COL21A1: variants seen among roughly 807,000 people sequenced by gnomAD.
The protein encoded by COL21A1 is collagen alpha-1(XXI) chain.
In COL21A1, 149 loss-of-function variants were observed where a neutral mutation model predicts 137.9. That is an observed-to-expected ratio of 1.08 (90% CI 0.95 to 1.24). The LOEUF is 1.24. COL21A1 is among the 50% of genes most tolerant of loss of function. The pLI is 0.00. For missense variants in COL21A1, 1,167 were observed against 1,158.4 expected, an observed-to-expected ratio of 1.01 and a Z score of -0.11; for synonymous variants, 456 against 391.5, an observed-to-expected ratio of 1.16 and a Z score of -1.95.
intron 1 of COL21A1, among the ~76,000 whole-genome samples, chr6:56,265,504 C>A (rs1763372535): frequency 6.6e-6 from 1 of 152,174 alleles, no homozygotes; most frequent in Non-Finnish European, 1.5e-5. Context: ...CAAGGGCAGA[C>A]AATGATACTC....
chr6:56,113,562 ATACC>A (rs1771636044), intron 16 of COL21A1, among the ~76,000 whole-genome samples: 1 of 152,168 alleles, frequency 6.6e-6, no homozygotes, highest in South Asian at 2.1e-4. Context: ...ACTAGCAGCG[ATACC>A]TACGTACTAC....
chr6:56,383,891 C>T (rs2094012948), intron 1 of COL21A1, among the ~76,000 whole-genome samples: 1 of 152,016 alleles, frequency 6.6e-6, no homozygotes, highest in African/African-American at 2.4e-5. Flanking sequence ...CGTTTTGATC[C>T]CCCTTTCCTC....
chr6:56,376,869 T>G (rs1458833171), intron 1 of COL21A1, among the ~76,000 whole-genome samples: 2 of 115,738 alleles, frequency 1.7e-5, no homozygotes, highest in Non-Finnish European at 3.3e-5. Context: ...ATTTAACAAC[T>G]GTCTATAGAA....
intron 1 of COL21A1, among the ~76,000 whole-genome samples, chr6:56,273,873 A>C (rs933771348): frequency 1.3e-5 from 2 of 152,196 alleles, no homozygotes; most frequent in Non-Finnish European, 2.9e-5. Context: ...TCCCTAACTC[A>C]TTCTATGATG....
chr6:56,263,967 C>T (rs1294313004), intron 1 of COL21A1, among the ~76,000 whole-genome samples: 1 of 122,540 alleles, frequency 8.2e-6, no homozygotes, highest in Non-Finnish European at 1.7e-5. Flanking sequence ...CTCTCATACA[C>T]AAACACACAC....
rs142805100 is a variant in COL21A1 at position 56,255,872 on chromosome 6, A to T, written c.-38-73216T>A. Among the ~76,000 whole-genome samples the T allele has an allele frequency of 4.3e-3, 655 of 152,284 alleles. 3 individuals are homozygous for T. Among genetic ancestry groups the T allele is most frequent in the Non-Finnish European group, 7.4e-3 (504 of 68,014 alleles). On this transcript the variant is annotated intron_variant, in intron 1 of 28. Transcript: ENST00000370819. Reference sequence around the variant, plus strand: ...CTTCTCACCGCAGCCGCTGTCTGAGAGGAGGGGACGGCACAGGATGGGCTC... The same window carrying T: ...CTTCTCACCGCAGCCGCTGTCTGAGTGGAGGGGACGGCACAGGATGGGCTC...
At chr6:56,067,515 G>C (rs1056688645) in intron 22 of COL21A1, among the ~76,000 whole-genome samples, 185 bp from the exon 23 acceptor site, 1 of 151,726 alleles carries the variant, frequency 6.6e-6, no homozygotes, top group Non-Finnish European at 1.5e-5. Context: ...ATGTCAAAAT[G>C]ATATTGTAAA....
At chr6:56,327,030 T>C (rs1437992587) in intron 1 of COL21A1, among the ~76,000 whole-genome samples, 3 of 152,082 alleles carry the variant, frequency 2.0e-5, no homozygotes, top group African/African-American at 4.8e-5. Flanking sequence ...ATGGACTTTT[T>C]CCCTTTTTAT....
At chr6:56,326,042 TGTATGTATAC>T (rs755962547) in intron 1 of COL21A1, among the ~76,000 whole-genome samples, 79,313 of 99,352 alleles carry the variant, frequency 0.8, 38,725 homozygotes, top group Non-Finnish European at 0.85. Flanking sequence ...ATTATGTATA[TGTATGTATAC>T]AAGTATTAAT....
At chr6:56,313,843 A>G (rs1242878775) in intron 1 of COL21A1, among the ~76,000 whole-genome samples, 1 of 152,146 alleles carries the variant, frequency 6.6e-6, no homozygotes, top group East Asian at 1.9e-4. Context: ...CAGCCTAGTG[A>G]CCTATTATTT....
chr6:56,376,495 TAA>T (rs1177620817), intron 1 of COL21A1, among the ~76,000 whole-genome samples: 2 of 149,708 alleles, frequency 1.3e-5, no homozygotes, highest in East Asian at 3.9e-4. Flanking sequence ...CAGAGGGGAA[TAA>T]ATCAGTAGAG....
chr6:56,375,139 G>A (rs1258218447), intron 1 of COL21A1, among the ~76,000 whole-genome samples: 1 of 152,156 alleles, frequency 6.6e-6, no homozygotes, highest in Non-Finnish European at 1.5e-5. Flanking sequence ...GGGAAAAAGA[G>A]AAAGAATGTT....
intron 3 of COL21A1, among the ~76,000 whole-genome samples, chr6:56,177,348 T>G (rs1777563499): frequency 1.3e-5 from 2 of 152,186 alleles, no homozygotes. Flanking sequence ...TCATCCTACA[T>G]GTTAACACTT....
chr6:56,278,557 T>C (rs1281757099), intron 1 of COL21A1, among the ~76,000 whole-genome samples: 1 of 152,230 alleles, frequency 6.6e-6, no homozygotes, highest in Non-Finnish European at 1.5e-5. Context: ...TTCCCTTTTT[T>C]CCTTTCCTTC....
At chr6:56,375,959 T>A (rs768202246) in intron 1 of COL21A1, among the ~76,000 whole-genome samples, 20 of 152,134 alleles carry the variant, frequency 1.3e-4, no homozygotes, top group Non-Finnish European at 2.1e-4. Flanking sequence ...GCTTAACATG[T>A]TGGAAGTAAA....
At chr6:56,109,755 C>T (rs576469073) in intron 16 of COL21A1, among the ~76,000 whole-genome samples, 1 of 151,832 alleles carries the variant, frequency 6.6e-6, no homozygotes, top group East Asian at 1.9e-4. Context: ...CAAAATATGC[C>T]AAGAAATTTG....
intron 1 of COL21A1, among the ~76,000 whole-genome samples, chr6:56,232,203 A>G (rs1034289946): frequency 6.6e-6 from 1 of 151,912 alleles, no homozygotes; most frequent in Non-Finnish European, 1.5e-5. Flanking sequence ...TGACAATACT[A>G]TACTTCCAAC....
At chr6:56,198,220 A>G (rs1310944314) in intron 1 of COL21A1, among the ~76,000 whole-genome samples, 1 of 152,086 alleles carries the variant, frequency 6.6e-6, no homozygotes, top group Admixed American at 6.6e-5. Flanking sequence ...GCTGGGGAGG[A>G]GGAAGAGAGG....
intron 12 of COL21A1, among the ~76,000 whole-genome samples, chr6:56,130,889 G>A (rs769952404): frequency 2.0e-4 from 31 of 152,110 alleles, no homozygotes; most frequent in Admixed American, 9.8e-4. Flanking sequence ...ACTCAATCAA[G>A]TTATTTATAA....
Sources: allele counts gnomAD v4.1 joint callset (sites outside exome capture counted in the v4.1 genomes callset), GRCh38; gene constraint gnomAD v4.1.1; transcripts MANE v1.5; gene names NCBI Gene and HGNC (gene_info 2026-07-23, HGNC 2026-07-21).